Variants in SEM1 observed in about 807,000 individuals in gnomAD.
SEM1 encodes the protein 26S proteasome complex subunit SEM1.
Under a neutral mutation model 12.7 loss-of-function variants are expected in SEM1, and 3 were observed. The ratio of observed to expected loss-of-function variants is 0.24; its 90% CI spans 0.11 to 0.61. SEM1 has a LOEUF of 0.61. SEM1 is among the 20% of genes least tolerant of loss of function. SEM1 has a pLI of 0.88. For missense variants in SEM1, 59 were observed against 81.3 expected (o/e 0.73, Z 1.06); for synonymous variants, 30 against 27.8 (o/e 1.08, Z -0.25).
intron 2 of SEM1, among the ~76,000 whole-genome samples, chr7:96,540,905 AG>A (rs1804926554): frequency 6.6e-6 from 1 of 151,870 alleles, no homozygotes; most frequent in Non-Finnish European, 1.5e-5. Context: ...GTTGCTGCAA[AG>A]GACATGATTT....
chr7:96,585,226 C>T (rs767363522), intron 2 of SEM1, among the ~76,000 whole-genome samples: 1 of 152,176 alleles, frequency 6.6e-6, no homozygotes, highest in Non-Finnish European at 1.5e-5. Flanking sequence ...GAATACCCTG[C>T]CGTGTGAGGT....
intron 1 of SEM1, among the ~76,000 whole-genome samples, chr7:96,493,213 C>A (rs1803097670): frequency 6.6e-6 from 1 of 152,130 alleles, no homozygotes; most frequent in South Asian, 2.1e-4. Flanking sequence ...AATCTGCCCA[C>A]CTTGGCCTGG....
chr7:96,550,033 T>C (rs1258893276), intron 2 of SEM1, among the ~76,000 whole-genome samples: 3 of 152,160 alleles, frequency 2.0e-5, no homozygotes, highest in Admixed American at 1.3e-4. Flanking sequence ...AGCTGGACTT[T>C]CTTGAATTAA....
intron 2 of SEM1, among the ~76,000 whole-genome samples, chr7:96,579,058 A>G (rs541063008): frequency 3.3e-5 from 5 of 152,316 alleles, no homozygotes; most frequent in African/African-American, 7.2e-5. Context: ...ATCTTGACAT[A>G]TTTGTATTAA....
intron 2 of SEM1, among the ~76,000 whole-genome samples, chr7:96,668,045 C>G (rs1437171190): frequency 6.6e-6 from 1 of 152,164 alleles, no homozygotes; most frequent in Non-Finnish European, 1.5e-5. Context: ...CCCACGAATA[C>G]TACTTTTAGA....
At chr7:96,708,214 G>A (rs959700052) in intron 1 of SEM1, 4 of 152,144 alleles carry the variant, frequency 2.6e-5, no homozygotes, top group African/African-American at 7.2e-5. Context: ...TTGAAAGCGA[G>A]CTAAAGAAAA....
intron 2 of SEM1, among the ~76,000 whole-genome samples, chr7:96,578,547 T>TA (rs1402191936): frequency 6.6e-6 from 1 of 151,942 alleles, no homozygotes; most frequent in Non-Finnish European, 1.5e-5. Flanking sequence ...TCTATTTTCT[T>TA]AAAAAACAAA....
intron 2 of SEM1, among the ~76,000 whole-genome samples, chr7:96,594,725 TCTC>T (rs1443712305): frequency 5.9e-5 from 9 of 152,330 alleles, no homozygotes; most frequent in African/African-American, 2.2e-4. Flanking sequence ...TTTTCAGTAT[TCTC>T]CTGATTTGAA....
At chr7:96,653,158 T>C (rs772586161) in intron 2 of SEM1, among the ~76,000 whole-genome samples, 3 of 152,190 alleles carry the variant, frequency 2.0e-5, no homozygotes, top group Non-Finnish European at 4.4e-5. Context: ...AAGGCCATGA[T>C]TCCCACCCAG....
intron 2 of SEM1, among the ~76,000 whole-genome samples, chr7:96,543,271 A>G (rs1427486325): frequency 6.6e-6 from 1 of 151,984 alleles, no homozygotes; most frequent in African/African-American, 2.4e-5. Context: ...AGTATAAGTA[A>G]TCTAAAGGTG....
chr7:96,566,477 A>G (rs896440581), intron 2 of SEM1, among the ~76,000 whole-genome samples: 3 of 151,530 alleles, frequency 2.0e-5, no homozygotes, highest in Admixed American at 6.6e-5. Context: ...TCATCCTCCC[A>G]TTTCCTTACT....
chr7:96,634,103 A>C (rs1808354648), intron 2 of SEM1, among the ~76,000 whole-genome samples: 1 of 152,178 alleles, frequency 6.6e-6, no homozygotes, highest in East Asian at 1.9e-4. Context: ...TAGCTGACTT[A>C]ACAAGAAACA....
intron 2 of SEM1, among the ~76,000 whole-genome samples, chr7:96,605,855 T>C (rs1291451039): frequency 6.6e-6 from 1 of 152,170 alleles, no homozygotes; most frequent in Non-Finnish European, 1.5e-5. Context: ...AATTGCATTC[T>C]CTTCTGAGTA....
chr7:96,642,809 C>T (rs10499923), intron 2 of SEM1, among the ~76,000 whole-genome samples: 7,734 of 151,870 alleles, frequency 0.051, 244 homozygotes, highest in South Asian at 0.091. Context: ...CAGGATTCTA[C>T]AATTGGTCAT....
At chr7:96,532,864 T>C (rs994449307) in intron 2 of SEM1, among the ~76,000 whole-genome samples, 3 of 152,092 alleles carry the variant, frequency 2.0e-5, no homozygotes, top group Non-Finnish European at 4.4e-5. Flanking sequence ...AAGATGTTTT[T>C]CTCCACAAAA....
intron 3 of SEM1, chr7:96,484,734 A>C: frequency 1.4e-6 from 1 of 710,122 alleles, no homozygotes; most frequent in Non-Finnish European, 2.1e-6. Context: ...CGAATGACTC[A>C]ATTTCACTGG....
intron 2 of SEM1, among the ~76,000 whole-genome samples, chr7:96,566,524 C>T (rs1805847079): frequency 6.6e-6 from 1 of 151,510 alleles, no homozygotes; most frequent in African/African-American, 2.4e-5. Flanking sequence ...TTCATAAGAA[C>T]TCTTCATATA....
chr7:96,678,623 G>A (rs1436529091), intron 2 of SEM1, among the ~76,000 whole-genome samples: 1 of 151,954 alleles, frequency 6.6e-6, no homozygotes, highest in African/African-American at 2.4e-5. Flanking sequence ...ACAAAAGAGG[G>A]TTGCCTAGAG....
At chr7:96,688,048 C>A (rs1224960031), downstream of SEM1, 1 of 152,154 alleles carries the variant, frequency 6.6e-6, no homozygotes, top group Non-Finnish European at 1.5e-5. Flanking sequence ...TTACTCAACA[C>A]TACAGATTGA....
Sources: gnomAD v4.1 joint callset for allele counts (sites outside exome capture counted in the v4.1 genomes callset) on GRCh38, gnomAD v4.1.1 for gene constraint, MANE v1.5 for transcripts, NCBI Gene and HGNC (gene_info 2026-07-23, HGNC 2026-07-21) for gene names.